Variants in TNS1 observed in about 807,000 individuals in gnomAD.
TNS1 encodes the protein tensin 1, also known as tensin-1.
Under a neutral mutation model 168.6 loss-of-function variants are expected in TNS1, and 62 were observed. That is an observed-to-expected ratio of 0.37 (90% CI 0.30 to 0.45). The LOEUF (loss-of-function observed/expected upper bound fraction) is 0.45. Ranked by LOEUF, TNS1 falls within the 20% of genes least tolerant of loss-of-function variation. The probability of loss-of-function intolerance (pLI) is 1.00; values close to 1 mark genes in which losing one functional copy is unlikely to be tolerated. For synonymous variants in TNS1, 934 were observed against 933.2 expected (o/e 1.00, Z -0.02); for missense variants, 2,240 against 2,339.4 (o/e 0.96, Z 0.88).
rs1950767798 is a variant in TNS1, at chr2:217,882,405, C to T, written c.1253G>A (p.Arg418Gln). ...EDLDDAFKDD[R>Q]FPEYGKVEFV... Reference sequence around the variant, plus strand: ...CTCCACTTTGCCATACTCTGGAAATCGATCATCTGGAAAAAGAGAAGGAAA... The same window carrying T: ...CTCCACTTTGCCATACTCTGGAAATTGATCATCTGGAAAAAGAGAAGGAAA... Residue 418 changes from arginine (R) to glutamine (Q), a missense_variant, in exon 17 of 33, where the codon CGA (arginine) becomes CAA (glutamine). Coordinates refer to ENST00000682258, the MANE Select transcript of TNS1 (RefSeq NM_001387777.1). 2 of 1,598,886 alleles carry T rather than the reference C, an allele frequency of 1.3e-6. No homozygotes were observed. The highest frequency in any genetic ancestry group is 8.5e-7 in the Non-Finnish European group (1 of 1,175,042).
chr2:217,872,065 G>A (rs375165985), intron 18 of TNS1, among the ~76,000 whole-genome samples: 6 of 152,248 alleles, frequency 3.9e-5, no homozygotes, highest in Non-Finnish European at 8.8e-5. Context: ...GTTGGACGAA[G>A]TCCTTAACTT....
chr2:217,810,815 T>G (rs901790802), intron 28 of TNS1, among the ~76,000 whole-genome samples: 1 of 152,190 alleles, frequency 6.6e-6, no homozygotes, highest in Non-Finnish European at 1.5e-5. Context: ...ATGGATATAT[T>G]AGCATATTGA....
At chr2:217,890,644 G>A (rs1951649399) in intron 12 of TNS1, 1 of 394,290 alleles carries the variant, frequency 2.5e-6, no homozygotes, top group Non-Finnish European at 4.7e-6. Flanking sequence ...TGCTTCCAGG[G>A]CCAAGAACAG....
chr2:217,805,526 C>A (rs1435639292), intron 32 of TNS1, among the ~76,000 whole-genome samples: 4 of 8,358 alleles, frequency 4.8e-4, no homozygotes, highest in Non-Finnish European at 5.5e-4. Context: ...CCACACACAC[C>A]ACACACACCA....
chr2:217,989,863 G>A (rs1355316901), intron 2 of TNS1, among the ~76,000 whole-genome samples: 1 of 151,546 alleles, frequency 6.6e-6, no homozygotes, highest in Non-Finnish European at 1.5e-5. Context: ...TGACCTCAAT[G>A]CACCTGCCAC....
chr2:217,918,344 G>T (rs558583125), intron 4 of TNS1, among the ~76,000 whole-genome samples: 1 of 152,166 alleles, frequency 6.6e-6, no homozygotes, highest in Non-Finnish European at 1.5e-5. Flanking sequence ...GCTCTTTACC[G>T]CTGGGGAGGC....
chr2:217,841,129 G>T, intron 19 of TNS1: 1 of 749,492 alleles, frequency 1.3e-6, no homozygotes, highest in Non-Finnish European at 1.6e-6. Context: ...AAGAAGGAGT[G>T]AAAAGAAACT....
intron 3 of TNS1, among the ~76,000 whole-genome samples, chr2:217,934,242 G>C (rs759906395): frequency 2.5e-4 from 38 of 152,156 alleles, no homozygotes; most frequent in Non-Finnish European, 4.3e-4. Flanking sequence ...TGGAGCTGAG[G>C]GGGTGTGAAG....
At chr2:217,850,211 C>T (rs1947272724) in intron 18 of TNS1, 3 of 985,362 alleles carry the variant, frequency 3.0e-6, no homozygotes, top group Non-Finnish European at 3.6e-6. Flanking sequence ...CCCGGGGGCC[C>T]CTGAAGAACA....
rs1254327892 is a variant in TNS1, at chr2:217,812,401, C to A, written c.4999G>T (p.Ala1667Ser). 6.2e-7 allele frequency: 1 copy of A among 1,613,980 alleles called. No individual in the cohort carries two copies. Among genetic ancestry groups the A allele is most frequent in the South Asian group, 1.1e-5 (1 of 91,050 alleles). Residue 1667 changes from alanine (A) to serine (S), a missense_variant, in exon 28 of 33, where the codon GCC becomes TCC. By Grantham distance (99) the Ala-to-Ser change is moderately conservative (BLOSUM62 1). Around this residue, in one of 2 missense-constraint regions of TNS1, gnomAD observed 2,131 missense variants for 2,171.2 expected, o/e 0.98. Transcript: ENST00000682258. ...LVYQHSIIPL[A>S]LPCKLVIPNR... is the part of the protein sequence containing the mutation. The stretch of plus-strand genomic sequence containing the variant: ...GGAATGACCAGCTTGCAAGGCAGGG[C>A]CAATGGGATGATGGAGTGCTGGTAG...
rs546470744 is a variant in TNS1 at position 218,033,918 on chromosome 2, C to T, written c.58G>A (p.Gly20Ser). The change falls in exon 1 of 2, where the codon GGT (glycine) becomes AGT (serine). Residue 20 changes from glycine to serine, a missense_variant. Transcript: ENST00000649572. This position sits in a 1 kb window ranked among gnomAD's most constrained non-coding sequence, Gnocchi z 4.3. ...CAGGGACTCCCCGGGGGCTGGGGAC[C>T]GCAGAGTGGTCCGGGCCGCAGCTCT... Among the ~76,000 whole-genome samples, 296 of 152,314 alleles carry T rather than the reference C, an allele frequency of 1.9e-3. No homozygotes were observed. The highest frequency in any genetic ancestry group is 3.5e-3 in the Non-Finnish European group (238 of 68,024).
intron 1 of TNS1, among the ~76,000 whole-genome samples, chr2:218,001,214 C>T (rs1162671452): frequency 6.6e-6 from 1 of 152,038 alleles, no homozygotes; most frequent in Non-Finnish European, 1.5e-5. Context: ...CTCACAGCTG[C>T]CTTGGTCCCC....
At chr2:217,900,401 G>A in intron 7 of TNS1, 62 bp downstream of exon 7, 4 of 1,515,436 alleles carry the variant, frequency 2.6e-6, no homozygotes, top group Non-Finnish European at 3.5e-6. Flanking sequence ...GACTTAACAG[G>A]GACACCCACA....
At chr2:218,018,891 G>A (rs557289485) in intron 1 of TNS1, among the ~76,000 whole-genome samples, 3 of 152,064 alleles carry the variant, frequency 2.0e-5, no homozygotes, top group Non-Finnish European at 4.4e-5. Context: ...AGCCTTGCCC[G>A]CATGGTGAAA....
At chr2:217,886,711 C>T (rs1951237679) in intron 12 of TNS1, 65 bp from the exon 13 acceptor site, 4 of 1,269,510 alleles carry the variant, frequency 3.2e-6, no homozygotes, top group Non-Finnish European at 3.4e-6. Context: ...TCCCTGTTCT[C>T]TCTTTTCCAA....
chr2:217,826,173 A>C (rs957398886), intron 22 of TNS1, among the ~76,000 whole-genome samples: 2 of 152,146 alleles, frequency 1.3e-5, no homozygotes, highest in East Asian at 3.9e-4. Context: ...GTGGAGATGA[A>C]CGAAGCCCTT....
chr2:217,849,118 C>T (rs778300800), intron 18 of TNS1, 31 bp from the exon 19 acceptor site: 1 of 1,584,116 alleles, frequency 6.3e-7, no homozygotes, highest in South Asian at 1.1e-5. Context: ...GGGGAGACAA[C>T]AGACAACAGA....
intron 18 of TNS1, among the ~76,000 whole-genome samples, chr2:217,854,973 C>T (rs1947952730): frequency 6.6e-6 from 1 of 152,246 alleles, no homozygotes; most frequent in Non-Finnish European, 1.5e-5. Flanking sequence ...GCCTGCAGGC[C>T]TGTCAGGTGA....
Position 217,835,927 on chromosome 2 carries a change from T to A in TNS1, c.3204+88A>T, listed in dbSNP as rs997029714. ...AGACAAATCACTGAGTATACTGATA[T>A]CAGTGCCAAGTTGACCATCAGGTTT... On this transcript the variant is annotated intron_variant, in intron 20 of 32. Coordinates refer to ENST00000682258, the MANE Select transcript of TNS1 (RefSeq NM_001387777.1). 7 of 1,180,296 alleles carry A rather than the reference T, an allele frequency of 5.9e-6. No homozygotes were observed. The African/African-American group carries it at 1.1e-4, about 18-fold the overall frequency. 73.1% of individuals were successfully genotyped at this position (1,180,296 alleles called of 1,614,324 possible).
Sources: allele counts gnomAD v4.1 joint callset (sites outside exome capture counted in the v4.1 genomes callset), GRCh38; gene constraint gnomAD v4.1.1; regional missense constraint gnomAD v4.1.1; non-coding constraint Gnocchi (gnomAD v3.1); transcripts MANE v1.5; gene names NCBI Gene and HGNC (gene_info 2026-07-23, HGNC 2026-07-21).